The following CDC42SE2 variants were observed in gnomAD, a reference collection of about 807,000 sequenced individuals.
The protein encoded by CDC42SE2 is CDC42 small effector 2, also known as CDC42 small effector protein 2.
CDC42SE2 carries 3 observed loss-of-function variants against 11.5 expected under a neutral mutation model. The observed-to-expected ratio is 0.26, with a 90% confidence interval of 0.12 to 0.67. CDC42SE2 has a LOEUF of 0.67. Ranked by LOEUF, CDC42SE2 falls within the 30% of genes least tolerant of loss-of-function variation. The probability of loss-of-function intolerance (pLI) is 0.80; values close to 1 mark genes in which losing one functional copy is unlikely to be tolerated. For missense variants in CDC42SE2, 82 were observed against 106.8 expected (o/e 0.77, Z 1.02); for synonymous variants, 33 against 34.8 (o/e 0.95, Z 0.18).
chr5:131,347,731 A>AT (rs745670757), intron 2 of CDC42SE2, among the ~76,000 whole-genome samples: 57 of 152,208 alleles, frequency 3.7e-4, no homozygotes, highest in Non-Finnish European at 8.8e-5. Flanking sequence ...CCTGATGAAC[A>AT]TCAATGCAAA....
chr5:131,215,545 T>C, the CDC42SE2 span, among the ~76,000 whole-genome samples: 1 of 152,340 alleles, frequency 6.6e-6, no homozygotes, highest in African/African-American at 2.4e-5. Context: ...TTTTTTAGTT[T>C]ACATGATGAA....
intron 2 of CDC42SE2, among the ~76,000 whole-genome samples, chr5:131,322,140 AC>A (rs1758205202): frequency 6.6e-6 from 1 of 152,114 alleles, no homozygotes; most frequent in Non-Finnish European, 1.5e-5. Flanking sequence ...ATGAGCCACC[AC>A]GCCTGGCAGA....
At chr5:131,311,482 G>A (rs533859825) in intron 1 of CDC42SE2, among the ~76,000 whole-genome samples, 251 of 151,470 alleles carry the variant, frequency 1.7e-3, no homozygotes, top group African/African-American at 5.8e-3. Flanking sequence ...GAATCTGAAC[G>A]TTGGCCTGCC....
intron 3 of CDC42SE2, among the ~76,000 whole-genome samples, chr5:131,368,517 T>A (rs1293216612): frequency 6.6e-6 from 1 of 152,238 alleles, no homozygotes; most frequent in African/African-American, 2.4e-5. Context: ...AGATCAGTTT[T>A]AAAATTAGTT....
At chr5:131,350,611 G>T (rs1274022689) in intron 2 of CDC42SE2, among the ~76,000 whole-genome samples, 1 of 115,582 alleles carries the variant, frequency 8.7e-6, no homozygotes, top group African/African-American at 4.3e-5. Flanking sequence ...TTTATTTTGT[G>T]TGTGTGTGTG....
At chr5:131,366,643 G>A (rs1026125264) in intron 3 of CDC42SE2, among the ~76,000 whole-genome samples, 1 of 151,912 alleles carries the variant, frequency 6.6e-6, no homozygotes, top group Non-Finnish European at 1.5e-5. Context: ...GCAATTTTTA[G>A]TTACTTAAAA....
rs537018694 is a variant in CDC42SE2 at position 131,381,767 on chromosome 5, T to C, written c.55-3776T>C. Among the ~76,000 whole-genome samples, 234 of 152,324 alleles carry C rather than the reference T, an allele frequency of 1.5e-3. 1 individual carries two copies. The highest frequency in any genetic ancestry group is 5.4e-3 in the African/African-American group (226 of 41,592). On this transcript the variant is annotated intron_variant, in intron 3 of 4. Coordinates refer to ENST00000505065, the MANE Select transcript of CDC42SE2 (RefSeq NM_001375635.1). ...TAACATGTTTTCCACCTATAGCTATTGTGGAATAGTCTTCTCAAGCTATTT... is the reference window on the plus strand; with the variant it reads ...TAACATGTTTTCCACCTATAGCTATCGTGGAATAGTCTTCTCAAGCTATTT...
At chr5:131,252,642 C>G (rs1384772374) in intron 1 of CDC42SE2, among the ~76,000 whole-genome samples, 5 of 152,044 alleles carry the variant, frequency 3.3e-5, no homozygotes, top group Admixed American at 2.0e-4. Flanking sequence ...GGTGACAGAG[C>G]GAGACTTCGT....
At chr5:131,340,783 T>C (rs183042372) in intron 2 of CDC42SE2, among the ~76,000 whole-genome samples, 84 of 152,038 alleles carry the variant, frequency 5.5e-4, no homozygotes, top group Middle Eastern at 3.4e-3. Flanking sequence ...GTGCAAGCGA[T>C]TCTTGTGCCT....
At chr5:131,224,074 C>T in the CDC42SE2 span, among the ~76,000 whole-genome samples, 5 of 152,140 alleles carry the variant, frequency 3.3e-5, no homozygotes. Flanking sequence ...GCTGATTTGG[C>T]CTTTACTGTC....
At position 131,336,749 on chromosome 5, in the gene CDC42SE2, C is replaced by G. The variant is rs144249792; in HGVS notation, c.-286+20605C>G. On this transcript the variant is annotated intron_variant, in intron 2 of 4. Transcript: ENST00000505065. ...TCTTCCATCACTGATACCCTTTCTT[C>G]CAGTTGATCGCATCGGTTACTGAGG... Among the ~76,000 whole-genome samples the G allele has an allele frequency of 3.2e-3, 482 of 152,298 alleles. 2 individuals are homozygous for G. The highest frequency in any genetic ancestry group is 6.8e-3 in the Middle Eastern group (2 of 294).
upstream of CDC42SE2, among the ~76,000 whole-genome samples, chr5:131,260,454 C>T (rs1168466497): frequency 1.4e-5 from 2 of 140,704 alleles, no homozygotes; most frequent in African/African-American, 5.3e-5. Context: ...GAAACCCTGT[C>T]TCTACTAAAA....
At chr5:131,268,971 G>A (rs1003623364) in intron 1 of CDC42SE2, among the ~76,000 whole-genome samples, 8 of 151,840 alleles carry the variant, frequency 5.3e-5, no homozygotes, top group South Asian at 2.1e-4. Context: ...GGATGGTCTC[G>A]ATCGCTTGAC....
At chr5:131,226,514 C>T in the CDC42SE2 span, among the ~76,000 whole-genome samples, 2 of 152,184 alleles carry the variant, frequency 1.3e-5, no homozygotes, top group African/African-American at 4.8e-5. Flanking sequence ...AAGGGGCCTG[C>T]AGTCATTCAT....
the CDC42SE2 span, among the ~76,000 whole-genome samples, chr5:131,239,637 C>G: frequency 1.3e-5 from 2 of 152,166 alleles, no homozygotes; most frequent in East Asian, 3.9e-4. Flanking sequence ...AAAGAACAAC[C>G]TTATAGAGCA....
chr5:131,310,866 CA>C (rs1372469524), intron 1 of CDC42SE2, among the ~76,000 whole-genome samples: 1 of 152,120 alleles, frequency 6.6e-6, no homozygotes, highest in African/African-American at 2.4e-5. Flanking sequence ...TTCCTGAATA[CA>C]GCACACTGAT....
intron 2 of CDC42SE2, among the ~76,000 whole-genome samples, chr5:131,347,302 A>G (rs1758872117): frequency 6.6e-6 from 1 of 152,202 alleles, no homozygotes; most frequent in South Asian, 2.1e-4. Flanking sequence ...TGCAATAAAA[A>G]ATGATAAAGG....
chr5:131,385,730 CATT>C, intron 4 of CDC42SE2, 86 bp downstream of exon 4: 2 of 729,390 alleles, frequency 2.7e-6, no homozygotes, highest in Middle Eastern at 2.4e-4. Flanking sequence ...TTTTTAATAG[CATT>C]ATGCTAAATG....
chr5:131,335,515 A>G (rs533863857), intron 2 of CDC42SE2, among the ~76,000 whole-genome samples: 2 of 152,212 alleles, frequency 1.3e-5, no homozygotes, highest in South Asian at 2.1e-4. Flanking sequence ...CAATTCCTGG[A>G]TATCCTTGTT....
Sources: allele counts gnomAD v4.1 joint callset (sites outside exome capture counted in the v4.1 genomes callset), GRCh38; gene constraint gnomAD v4.1.1; transcripts MANE v1.5; gene names NCBI Gene and HGNC (gene_info 2026-07-23, HGNC 2026-07-21).